RBFOX1: variants seen among roughly 807,000 people sequenced by gnomAD.
The protein encoded by RBFOX1 is RNA binding fox-1 homolog 1.
Under a neutral mutation model 57.7 loss-of-function variants are expected in RBFOX1, and 8 were observed. The observed-to-expected ratio is 0.14, with a 90% CI of 0.08 to 0.25. The LOEUF (loss-of-function observed/expected upper bound fraction) is 0.25. Ranked by LOEUF, RBFOX1 falls within the 10% of genes least tolerant of loss-of-function variation. The probability of loss-of-function intolerance (pLI) is 1.00; values close to 1 mark genes in which losing one functional copy is unlikely to be tolerated. For synonymous variants in RBFOX1, 326 were observed against 222.4 expected (o/e 1.47, Z -4.15); for missense variants, 611 against 548.5 (o/e 1.11, Z -1.14).
intron 4 of RBFOX1, among the ~76,000 whole-genome samples, chr16:7,081,439 C>T (rs1003486615): frequency 2.0e-5 from 3 of 152,142 alleles, no homozygotes; most frequent in South Asian, 2.1e-4. Flanking sequence ...TTGGCCACTC[C>T]TCATGGGGGA....
At position 6,507,544 on chromosome 16, in the gene RBFOX1, C is replaced by T. The variant is rs527776529; in HGVS notation, c.-63-147059C>T. Among the ~76,000 whole-genome samples, 128 of 144,986 alleles carry T rather than the reference C, an allele frequency of 8.8e-4. 1 individual carries two copies. Among genetic ancestry groups the T allele is most frequent in the African/African-American group, 3.0e-3 (121 of 39,718 alleles). ...AAAAAAAGCCTGGCATAGTGGCACACACTTGTAGTTCCAGCTACCCCCAGG... is the reference window on the plus strand; with the variant it reads ...AAAAAAAGCCTGGCATAGTGGCACATACTTGTAGTTCCAGCTACCCCCAGG... On this transcript the variant is annotated intron_variant, in intron 2 of 15. Coordinates refer to ENST00000550418, the MANE Select transcript of RBFOX1 (RefSeq NM_018723.4).
intron 3 of RBFOX1, among the ~76,000 whole-genome samples, chr16:6,769,484 C>A (rs1322645654): frequency 6.6e-6 from 1 of 152,204 alleles, no homozygotes; most frequent in South Asian, 2.1e-4. Flanking sequence ...GTGCAGCATT[C>A]TGTAGTTTGT....
intron 14 of RBFOX1, among the ~76,000 whole-genome samples, chr16:7,706,837 T>TA (rs2148477775): frequency 6.6e-6 from 1 of 152,374 alleles, no homozygotes; most frequent in African/African-American, 2.4e-5. Context: ...TTATGCCTGT[T>TA]ACTATGTACT....
chr16:6,378,038 G>C (rs1305592305), intron 2 of RBFOX1, among the ~76,000 whole-genome samples: 2 of 152,132 alleles, frequency 1.3e-5, no homozygotes, highest in African/African-American at 4.8e-5. Flanking sequence ...GCGTCCTCTG[G>C]TCTTCTAGCA....
chr16:7,211,164 G>A (rs905515829), intron 4 of RBFOX1, among the ~76,000 whole-genome samples: 1 of 151,674 alleles, frequency 6.6e-6, no homozygotes, highest in African/African-American at 2.4e-5. Flanking sequence ...GGCCGAGGTG[G>A]GGGGATCATG....
At chr16:6,281,268 C>T (rs2076351123) in intron 1 of RBFOX1, among the ~76,000 whole-genome samples, 1 of 152,056 alleles carries the variant, frequency 6.6e-6, no homozygotes, top group Non-Finnish European at 1.5e-5. Context: ...GAATTGTCAC[C>T]ATAACCTTCA....
chr16:5,788,159 G>C (rs115296021), intron 3 of RBFOX1, among the ~76,000 whole-genome samples: 1,645 of 152,274 alleles, frequency 0.011, 31 homozygotes, highest in African/African-American at 0.035. Context: ...GGCCATGCTG[G>C]AGGTTGCTCC....
intron 3 of RBFOX1, among the ~76,000 whole-genome samples, chr16:6,950,113 ATTTTTTT>A (rs58222300): frequency 8.3e-5 from 10 of 120,936 alleles, no homozygotes; most frequent in South Asian, 2.7e-4. Context: ...CGCAGAGGTA[ATTTTTTT>A]TTTTTTTTTT....
At chr16:6,581,563 C>A (rs549422412) in intron 2 of RBFOX1, among the ~76,000 whole-genome samples, 1 of 152,152 alleles carries the variant, frequency 6.6e-6, no homozygotes, top group Non-Finnish European at 1.5e-5. Context: ...GGGATGGCCC[C>A]TTCCTGGGCA....
intron 3 of RBFOX1, among the ~76,000 whole-genome samples, chr16:6,898,362 A>G (rs1432113687): frequency 6.6e-6 from 1 of 152,166 alleles, no homozygotes; most frequent in Non-Finnish European, 1.5e-5. Flanking sequence ...TCAGAGGTGA[A>G]GGCTAAAGAA....
At chr16:5,960,783 T>A (rs2059732498) in intron 4 of RBFOX1, among the ~76,000 whole-genome samples, 1 of 152,144 alleles carries the variant, frequency 6.6e-6, no homozygotes, top group African/African-American at 2.4e-5. Context: ...TCCCTTTGAT[T>A]TAATCAGCCC....
At chr16:6,573,734 G>C (rs1471510546) in intron 2 of RBFOX1, 1 of 152,248 alleles carries the variant, frequency 6.6e-6, no homozygotes, top group Non-Finnish European at 1.5e-5. Context: ...GAGAAGGCAC[G>C]GGCGCGAAGC....
chr16:7,229,387 C>T (rs2093345407), intron 4 of RBFOX1, among the ~76,000 whole-genome samples: 1 of 152,020 alleles, frequency 6.6e-6, no homozygotes, highest in Non-Finnish European at 1.5e-5. Context: ...TTGGTCCTTG[C>T]CCTATAAAGG....
intron 1 of RBFOX1, among the ~76,000 whole-genome samples, chr16:6,044,241 G>C (rs1324597162): frequency 6.6e-6 from 1 of 152,190 alleles, no homozygotes; most frequent in Non-Finnish European, 1.5e-5. Context: ...CCCCTTGCCA[G>C]AGATGTTGAT....
chr16:7,651,062 C>G (rs1319574134), intron 11 of RBFOX1, among the ~76,000 whole-genome samples: 1 of 147,634 alleles, frequency 6.8e-6, no homozygotes, highest in Non-Finnish European at 1.5e-5. Context: ...CTATCTTTAG[C>G]AAGAATAAAA....
intron 2 of RBFOX1, among the ~76,000 whole-genome samples, chr16:6,641,718 G>C (rs572477477): frequency 2.7e-5 from 3 of 111,454 alleles, no homozygotes; most frequent in South Asian, 2.8e-4. Flanking sequence ...CTGGGTGACA[G>C]AGCAGGACTC....
chr16:5,763,519 C>A lies in RBFOX1; in HGVS notation c.319-103784C>A, dbSNP rs570351355. Among the ~76,000 whole-genome samples the A allele has an allele frequency of 2.0e-5, 3 of 152,348 alleles. No homozygotes were observed. In the East Asian group the frequency reaches 5.8e-4, roughly 29 times the overall value. On this transcript the variant is annotated intron_variant, in intron 3 of 19. Transcript: ENST00000641259. ...GGGGATGAAGGGGGCATGTCTTTAC[C>A]TTTCCTTATCCCCATATTTTCACCG...
chr16:6,528,021 C>G (rs991331729), intron 2 of RBFOX1, among the ~76,000 whole-genome samples: 1 of 152,090 alleles, frequency 6.6e-6, no homozygotes, highest in African/African-American at 2.4e-5. Flanking sequence ...ATGGATTTCT[C>G]TATGTTGAAT....
chr16:7,615,070 ACGC>A (rs2058204860), intron 10 of RBFOX1: 1 of 152,386 alleles, frequency 6.6e-6, no homozygotes, highest in Non-Finnish European at 1.5e-5. Context: ...GCGGTGGCTC[ACGC>A]CTGTAATCCC....
Sources: allele counts gnomAD v4.1 joint callset (sites outside exome capture counted in the v4.1 genomes callset), GRCh38; gene constraint gnomAD v4.1.1; transcripts MANE v1.5; gene names NCBI Gene and HGNC (gene_info 2026-07-23, HGNC 2026-07-21).